Variants in GPC5 observed in about 807,000 individuals in gnomAD.
GPC5 encodes glypican 5.
In GPC5, 47 loss-of-function variants were observed where a neutral mutation model predicts 53.9. The observed-to-expected ratio is 0.87, with a 90% CI of 0.69 to 1.11. GPC5 has a LOEUF of 1.11. Ranked by LOEUF, GPC5 falls within the 50% of genes most tolerant of loss-of-function variation. The pLI, the probability that GPC5 is intolerant of heterozygous loss-of-function variation, is 0.00. For synonymous variants in GPC5, 286 were observed against 263.3 expected (o/e 1.09, Z -0.84); for missense variants, 748 against 713.1 (o/e 1.05, Z -0.56).
At chr13:91,692,920 A>G (rs1203844759) in intron 2 of GPC5, among the ~76,000 whole-genome samples, 1 of 152,236 alleles carries the variant, frequency 6.6e-6, no homozygotes, top group Non-Finnish European at 1.5e-5. Flanking sequence ...CTGGAATTAC[A>G]GGCGTGAGCC....
chr13:92,197,061 A>G (rs1476188360), intron 7 of GPC5, among the ~76,000 whole-genome samples: 1 of 152,244 alleles, frequency 6.6e-6, no homozygotes, highest in Non-Finnish European at 1.5e-5. Context: ...CACCACAGAC[A>G]GCAGTGGGGG....
At chr13:91,919,230 T>A (rs1435156472) in intron 6 of GPC5, among the ~76,000 whole-genome samples, 1 of 152,230 alleles carries the variant, frequency 6.6e-6, no homozygotes, top group Non-Finnish European at 1.5e-5. Flanking sequence ...TATTTGAGAC[T>A]ACTACCAATT....
chr13:92,818,944 C>T lies in GPC5; in HGVS notation c.1562-47338C>T, dbSNP rs542492835. Among the ~76,000 whole-genome samples the T allele has an allele frequency of 3.9e-5, 6 of 152,060 alleles. No individual in the cohort carries two copies. The South Asian group carries it at 1.2e-3, about 32-fold the overall frequency. On this transcript the variant is annotated intron_variant, in intron 7 of 7. Transcript: ENST00000377067. ...ATAGATTAAATTAGATTTTCATAGACTTATTTGGACTGTCTTCCCTGTTGT... is the reference window on the plus strand; with the variant it reads ...ATAGATTAAATTAGATTTTCATAGATTTATTTGGACTGTCTTCCCTGTTGT...
chr13:91,652,621 GC>G (rs1283646187), intron 2 of GPC5, among the ~76,000 whole-genome samples: 1 of 152,156 alleles, frequency 6.6e-6, no homozygotes, highest in Non-Finnish European at 1.5e-5. Context: ...GGAGTGAGAT[GC>G]TGGGAGATTT....
At chr13:92,061,424 G>A (rs2138853372) in intron 6 of GPC5, among the ~76,000 whole-genome samples, 1 of 152,082 alleles carries the variant, frequency 6.6e-6, no homozygotes, top group South Asian at 2.1e-4. Flanking sequence ...TATTTGCAAA[G>A]CACGTGAAAA....
At chr13:92,064,395 A>C (rs2041148888) in intron 6 of GPC5, among the ~76,000 whole-genome samples, 1 of 152,168 alleles carries the variant, frequency 6.6e-6, no homozygotes, top group South Asian at 2.1e-4. Context: ...GGACATTTGG[A>C]TAGTGCAACC....
intron 6 of GPC5, among the ~76,000 whole-genome samples, chr13:91,917,333 G>A (rs2039669328): frequency 1.3e-5 from 2 of 152,208 alleles, no homozygotes; most frequent in Admixed American, 6.5e-5. Context: ...GATGCAAGAG[G>A]TGGGCTCCCA....
chr13:91,452,969 C>CTA (rs544715361), intron 2 of GPC5, among the ~76,000 whole-genome samples: 141 of 151,718 alleles, frequency 9.3e-4, no homozygotes, highest in African/African-American at 3.4e-3. Context: ...ATGGTGGATA[C>CTA]TAAGTCTTTA....
intron 1 of GPC5, among the ~76,000 whole-genome samples, chr13:91,418,615 G>T (rs529896798): frequency 3.9e-5 from 6 of 152,160 alleles, no homozygotes; most frequent in African/African-American, 1.4e-4. Context: ...AAAGGTGAAC[G>T]GGTGAGGCAG....
At chr13:91,711,821 C>A (rs918080529) in intron 3 of GPC5, among the ~76,000 whole-genome samples, 1 of 152,056 alleles carries the variant, frequency 6.6e-6, no homozygotes, top group East Asian at 1.9e-4. Flanking sequence ...TGGGTCACAG[C>A]AAATTTATTT....
At chr13:92,272,711 T>C (rs1033461882) in intron 7 of GPC5, among the ~76,000 whole-genome samples, 2 of 152,156 alleles carry the variant, frequency 1.3e-5, no homozygotes, top group Non-Finnish European at 2.9e-5. Flanking sequence ...CCCCACCTTG[T>C]TGACAACGAG....
intron 2 of GPC5, among the ~76,000 whole-genome samples, chr13:91,546,726 A>G (rs1566493748): frequency 6.6e-6 from 1 of 152,132 alleles, no homozygotes; most frequent in South Asian, 2.1e-4. Context: ...AAGAAGATCA[A>G]GAAGGATTCT....
At chr13:91,827,714 C>T (rs1594599988) in intron 5 of GPC5, among the ~76,000 whole-genome samples, 1 of 151,946 alleles carries the variant, frequency 6.6e-6, no homozygotes, top group Non-Finnish European at 1.5e-5. Context: ...TCTTGCTGAG[C>T]GTATAGAATA....
At chr13:92,295,813 C>T (rs2043030450) in intron 7 of GPC5, among the ~76,000 whole-genome samples, 1 of 152,124 alleles carries the variant, frequency 6.6e-6, no homozygotes, top group Admixed American at 6.5e-5. Context: ...CCTGAAATGT[C>T]TTTTTCTACC....
intron 7 of GPC5, among the ~76,000 whole-genome samples, chr13:92,758,240 C>A (rs1049032535): frequency 6.7e-6 from 1 of 149,496 alleles, no homozygotes; most frequent in African/African-American, 2.5e-5. Flanking sequence ...GAACAAAAAA[C>A]CAAACACCAC....
chr13:91,912,504 A>G lies in GPC5; in HGVS notation c.1401+4447A>G, dbSNP rs180816564. Among the ~76,000 whole-genome samples, 549 of 152,346 alleles carry G rather than the reference A, an allele frequency of 3.6e-3. 5 individuals carry two copies. Among genetic ancestry groups the G allele is most frequent in the African/African-American group, 0.011 (461 of 41,588 alleles). On this transcript the variant is annotated intron_variant, in intron 6 of 7. Transcript: ENST00000377067. ...AGAGAAGGCATCTAGGCTTTTTTCTATACTTAATTATACATATAAATACAT... is the reference window on the plus strand; with the variant it reads ...AGAGAAGGCATCTAGGCTTTTTTCTGTACTTAATTATACATATAAATACAT...
chr13:91,463,528 A>G (rs552157), intron 2 of GPC5, among the ~76,000 whole-genome samples: 103,990 of 152,012 alleles, frequency 0.68, 39,779 homozygotes, highest in Non-Finnish European at 0.85. Flanking sequence ...AAGAAGTGGG[A>G]AGAATCACTT....
intron 7 of GPC5, among the ~76,000 whole-genome samples, chr13:92,258,068 TA>T (rs2042740179): frequency 6.6e-6 from 1 of 152,194 alleles, no homozygotes; most frequent in Non-Finnish European, 1.5e-5. Flanking sequence ...TTTGTTGAAT[TA>T]AAATATCAAA....
intron 2 of GPC5, among the ~76,000 whole-genome samples, chr13:91,640,788 G>T (rs1200348722): frequency 1.0e-4 from 15 of 148,480 alleles, no homozygotes; most frequent in Non-Finnish European, 2.2e-4. Context: ...GACAGAGCGA[G>T]ACTCCTCAGG....
Sources: gnomAD v4.1 joint callset for allele counts (sites outside exome capture counted in the v4.1 genomes callset) on GRCh38, gnomAD v4.1.1 for gene constraint, MANE v1.5 for transcripts, NCBI Gene and HGNC (gene_info 2026-07-23, HGNC 2026-07-21) for gene names.